ALK: variants seen among roughly 807,000 people sequenced by gnomAD.
The protein encoded by ALK is ALK tyrosine kinase receptor.
In ALK, 74 loss-of-function variants were observed where a neutral mutation model predicts 163.1. The ratio of observed to expected loss-of-function variants is 0.45; its 90% CI spans 0.38 to 0.55. The LOEUF is 0.55. Ranked by LOEUF, ALK falls within the 20% of genes least tolerant of loss-of-function variation. The probability of loss-of-function intolerance (pLI) is 0.00; values close to 1 mark genes in which losing one functional copy is unlikely to be tolerated. For missense variants in ALK, 2,063 were observed against 2,105.3 expected, an observed-to-expected ratio of 0.98 and a Z score of 0.39; for synonymous variants, 960 against 843.2, an observed-to-expected ratio of 1.14 and a Z score of -2.40.
intron 9 of ALK, among the ~76,000 whole-genome samples, chr2:29,289,584 T>C (rs1195192108): frequency 1.3e-5 from 2 of 152,146 alleles, no homozygotes; most frequent in African/African-American, 4.8e-5. Flanking sequence ...TCACTCACCA[T>C]GTGAACGAAT....
At chr2:29,761,368 C>T (rs1680696259) in intron 1 of ALK, among the ~76,000 whole-genome samples, 1 of 152,130 alleles carries the variant, frequency 6.6e-6, no homozygotes, top group Non-Finnish European at 1.5e-5. Context: ...GGAGCTTTGG[C>T]CTTCCTGTGT....
At chr2:29,604,181 TA>T (rs1675472457) in intron 3 of ALK, among the ~76,000 whole-genome samples, 1 of 151,470 alleles carries the variant, frequency 6.6e-6, no homozygotes, top group African/African-American at 2.4e-5. Flanking sequence ...TTTTTTTTTT[TA>T]CAGTTTTTAA....
chr2:29,792,779 G>A (rs1454507285), intron 1 of ALK, among the ~76,000 whole-genome samples: 1 of 120,260 alleles, frequency 8.3e-6, no homozygotes, highest in East Asian at 2.5e-4. Flanking sequence ...TATTAAGTAT[G>A]CAATAGCATA....
At chr2:29,223,618 T>C (rs1669871607) in intron 19 of ALK, 90 bp from the exon 20 acceptor site, 1 of 1,259,056 alleles carries the variant, frequency 7.9e-7, no homozygotes, top group Admixed American at 1.9e-5. Context: ...CCTCCCTGGA[T>C]CTCCATATCC....
Position 29,905,708 on chromosome 2 carries a change from TA to T in ALK, c.667+14284del, listed in dbSNP as rs140580820. 4.5e-3 allele frequency among the ~76,000 whole-genome samples: 688 copies of T among 152,258 alleles called. 5 individuals carry two copies. The highest frequency in any genetic ancestry group is 0.015 in the African/African-American group (630 of 41,538). ...CCTAGCCAGCCACAGTGAAGCATTC[TA>T]TTTAGTAAATTTTGTGCTTTCCCCC... is the stretch of plus-strand genomic sequence containing the variant. On this transcript the variant is annotated intron_variant, in intron 1 of 28. Transcript: ENST00000389048.
intron 4 of ALK, among the ~76,000 whole-genome samples, chr2:29,526,342 C>T (rs555896210): frequency 3.9e-4 from 59 of 152,336 alleles, no homozygotes; most frequent in African/African-American, 1.3e-3. Context: ...CTCAAGTCTC[C>T]TGCCCACTGT....
At chr2:29,510,264 T>C (rs576020713) in intron 4 of ALK, among the ~76,000 whole-genome samples, 13 of 152,300 alleles carry the variant, frequency 8.5e-5, no homozygotes, top group African/African-American at 2.2e-4. Flanking sequence ...TCCCTAGCAA[T>C]TGGCATTCTT....
At chr2:29,478,407 C>T (rs761312008) in intron 4 of ALK, among the ~76,000 whole-genome samples, 5 of 152,254 alleles carry the variant, frequency 3.3e-5, no homozygotes, top group Non-Finnish European at 7.3e-5. Flanking sequence ...AAGCCCCTTC[C>T]AGGAAAGGTA....
intron 5 of ALK, among the ~76,000 whole-genome samples, chr2:29,341,545 G>A (rs1667791828): frequency 6.6e-6 from 1 of 152,176 alleles, no homozygotes. Context: ...AGCCTTCACT[G>A]CAGGAGGTTG....
chr2:29,511,241 C>T (rs1324278970), intron 4 of ALK, among the ~76,000 whole-genome samples: 1 of 152,072 alleles, frequency 6.6e-6, no homozygotes, highest in Non-Finnish European at 1.5e-5. Flanking sequence ...TCCATCATCT[C>T]CAACCCTCTC....
Position 29,792,773 on chromosome 2 carries a change from A to T in ALK, c.668-75076T>A, listed in dbSNP as rs541901193. Among the ~76,000 whole-genome samples the T allele has an allele frequency of 2.1e-5, 3 of 144,276 alleles. No individual in the cohort carries two copies. In the Admixed American group the frequency reaches 2.2e-4, roughly 10 times the overall value. 94.7% of individuals were successfully genotyped at this position (144,276 alleles called of 152,430 possible). A position where few individuals can be genotyped will look rare whatever the true frequency, so the allele number is the denominator to read the frequency against. Reference sequence around the variant, plus strand: ...ATGCTTACACTACACTTAGACTATTAAGTATGCAATAGCATAATCTCTAAA... The same window carrying T: ...ATGCTTACACTACACTTAGACTATTTAGTATGCAATAGCATAATCTCTAAA... On this transcript the variant is annotated intron_variant, in intron 1 of 28. Coordinates refer to ENST00000389048, the MANE Select transcript of ALK (RefSeq NM_004304.5).
chr2:29,668,925 G>T (rs1677599595), intron 3 of ALK, among the ~76,000 whole-genome samples: 1 of 152,020 alleles, frequency 6.6e-6, no homozygotes, highest in African/African-American at 2.4e-5. Context: ...CGCTATGTAA[G>T]ACTTATTCAC....
At chr2:29,882,830 A>C (rs1666900099) in intron 1 of ALK, among the ~76,000 whole-genome samples, 1 of 152,228 alleles carries the variant, frequency 6.6e-6, no homozygotes, top group Non-Finnish European at 1.5e-5. Flanking sequence ...TCAGATAAAC[A>C]ACAAATACAA....
intron 4 of ALK, among the ~76,000 whole-genome samples, chr2:29,448,206 C>T (rs1025538008): frequency 1.3e-5 from 2 of 152,198 alleles, no homozygotes; most frequent in African/African-American, 4.8e-5. Context: ...GTCTCAGAGC[C>T]TGCTTGTGTG....
At chr2:29,327,934 A>T (rs567952557) in intron 6 of ALK, among the ~76,000 whole-genome samples, 1 of 152,188 alleles carries the variant, frequency 6.6e-6, no homozygotes, top group South Asian at 2.1e-4. Flanking sequence ...GGCATGAAGG[A>T]TCTGTAAGGT....
intron 4 of ALK, among the ~76,000 whole-genome samples, chr2:29,393,555 C>T (rs1669231080): frequency 6.6e-6 from 1 of 152,210 alleles, no homozygotes; most frequent in Non-Finnish European, 1.5e-5. Flanking sequence ...CTGGATCATC[C>T]CCTTTCTGTC....
At chr2:29,593,978 G>A (rs1255575887) in intron 3 of ALK, among the ~76,000 whole-genome samples, 1 of 152,142 alleles carries the variant, frequency 6.6e-6, no homozygotes, top group East Asian at 1.9e-4. Context: ...GGGTGATTTT[G>A]TACTCCATGG....
At chr2:29,473,485 T>G (rs72794424) in intron 4 of ALK, among the ~76,000 whole-genome samples, 1 of 152,156 alleles carries the variant, frequency 6.6e-6, no homozygotes, top group Non-Finnish European at 1.5e-5. Context: ...ATATTCACAA[T>G]GTATACATCT....
intron 3 of ALK, among the ~76,000 whole-genome samples, chr2:29,584,181 T>C (rs995741463): frequency 2.0e-5 from 3 of 152,068 alleles, no homozygotes; most frequent in Non-Finnish European, 2.9e-5. Flanking sequence ...GGAAACATCT[T>C]TGAGTTAAAT....
Sources: gnomAD v4.1 joint callset for allele counts (sites outside exome capture counted in the v4.1 genomes callset) on GRCh38, gnomAD v4.1.1 for gene constraint, MANE v1.5 for transcripts, NCBI Gene and HGNC (gene_info 2026-07-23, HGNC 2026-07-21) for gene names.